The following SH2B3 variants were observed in gnomAD, a reference collection of about 807,000 sequenced individuals.
SH2B3 encodes SH2B adapter protein 3.
A neutral mutation model predicts 51.9 loss-of-function variants in SH2B3; 43 were observed. The ratio of observed to expected loss-of-function variants is 0.83; its 90% CI spans 0.65 to 1.07. The LOEUF is 1.07. SH2B3 is among the 50% of genes least tolerant of loss of function. The probability of loss-of-function intolerance (pLI) is 0.00; values close to 1 mark genes in which losing one functional copy is unlikely to be tolerated. For synonymous variants in SH2B3, 396 were observed against 376.0 expected, an observed-to-expected ratio of 1.05 and a Z score of -0.62; for missense variants, 952 against 834.3, an observed-to-expected ratio of 1.14 and a Z score of -1.74.
intron 2 of SH2B3, among the ~76,000 whole-genome samples, chr12:111,421,334 GCTC>G (rs1413210563): frequency 6.6e-6 from 1 of 150,636 alleles, no homozygotes; most frequent in African/African-American, 2.4e-5. Context: ...TTTATTTCTG[GCTC>G]CTTTTGCCCA....
Position 111,410,124 on chromosome 12 carries a change from A to T in SH2B3, c.-28+3847A>T, listed in dbSNP as rs1204067200. Among the ~76,000 whole-genome samples, 1 of 152,140 alleles carries T rather than the reference A, an allele frequency of 6.6e-6. No homozygotes were observed. The highest frequency in any genetic ancestry group is 2.4e-5 in the African/African-American group (1 of 41,444). ...CCCCAGGGAGGCCTGGGAGGAAGGA[A>T]GTCTATGCCCTCCTCACAGGGGCTG... On this transcript the variant is annotated intron_variant, in intron 1 of 7. Coordinates refer to ENST00000341259, the MANE Select transcript of SH2B3 (RefSeq NM_005475.3). This position sits in a 1 kb window ranked among gnomAD's most constrained non-coding sequence, Gnocchi z 4.9.
Position 111,438,410 on chromosome 12 carries a change from G to A in SH2B3, c.733-8343G>A, listed in dbSNP as rs1387338125. 1.3e-5 allele frequency among the ~76,000 whole-genome samples: 2 copies of A among 152,280 alleles called. No homozygotes were observed. The highest frequency in any genetic ancestry group is 2.1e-4 in the South Asian group (1 of 4,830). On this transcript the variant is annotated intron_variant, in intron 2 of 7. Coordinates refer to ENST00000341259, the MANE Select transcript of SH2B3 (RefSeq NM_005475.3). This position sits in a 1 kb window ranked among gnomAD's most constrained non-coding sequence, Gnocchi z 4.2. ...TTCAGCCTGCCCTCTTCCCTGGCCAGCTGGAGGGGCCTTGGGAGGCCCACC... is the reference window on the plus strand; with the variant it reads ...TTCAGCCTGCCCTCTTCCCTGGCCAACTGGAGGGGCCTTGGGAGGCCCACC...
In SH2B3 at chr12:111,447,459, A is replaced by G. The variant is rs1179360058; in HGVS notation, c.1151A>G (p.Asp384Gly). The G allele has an allele frequency of 6.2e-7, 1 of 1,609,806 alleles. No homozygotes were observed. Among genetic ancestry groups the G allele is most frequent in the Admixed American group, 1.7e-5 (1 of 59,078 alleles). ...CAGCTGGTTCAGCTGCAGGGCCCTG[A>G]TGCTCATGGAGTGTTCCTGGTGCGG... ...AAQLVQLQGPDAHGVFLVRQS... is the reference protein window; with the variant it reads ...AAQLVQLQGPGAHGVFLVRQS... Residue 384 changes from aspartate to glycine, a missense_variant, in exon 6 of 8, where the codon GAT (aspartate) becomes GGT (glycine). Coordinates refer to ENST00000341259, the MANE Select transcript of SH2B3 (RefSeq NM_005475.3).
chr12:111,409,977 G>A lies in SH2B3; in HGVS notation c.-28+3700G>A, dbSNP rs1277699352. Among the ~76,000 whole-genome samples, 2 of 152,212 alleles carry A rather than the reference G, an allele frequency of 1.3e-5. No homozygotes were observed. The highest frequency in any genetic ancestry group is 1.5e-5 in the Non-Finnish European group (1 of 68,026). On this transcript the variant is annotated intron_variant, in intron 1 of 7. Transcript: ENST00000341259. The surrounding 1 kb of genome is among the most constrained non-coding windows in gnomAD (Gnocchi z 4.0). ...CTCCCACGCCACCCTGTCAGGGGTC[G>A]GCCAGCAGGGCCGGGCCACAGGCTT...
In SH2B3 at chr12:111,429,708, G is replaced by A. The variant is rs994871759; in HGVS notation, c.732+10831G>A. On this transcript the variant is annotated intron_variant, in intron 2 of 7. Transcript: ENST00000341259. This position sits in a 1 kb window ranked among gnomAD's most constrained non-coding sequence, Gnocchi z 4.4. Reference sequence around the variant, plus strand: ...CCATGGAATCCTTATCACAAACCCCGGAGGTGGGGACAGTGATGAAGCCAT... The same window carrying A: ...CCATGGAATCCTTATCACAAACCCCAGAGGTGGGGACAGTGATGAAGCCAT... 4.6e-5 allele frequency among the ~76,000 whole-genome samples: 7 copies of A among 152,170 alleles called. No individual in the cohort carries two copies. Among genetic ancestry groups the A allele is most frequent in the African/African-American group, 1.2e-4 (5 of 41,426 alleles).
Position 111,418,229 on chromosome 12 carries a change from G to A in SH2B3, c.84G>A (p.Glu28=), listed in dbSNP as rs1180458317. The A allele has an allele frequency of 1.9e-6, 3 of 1,579,150 alleles. No individual in the cohort carries two copies. Among genetic ancestry groups the A allele is most frequent in the East Asian group, 2.3e-5 (1 of 43,364 alleles). The change falls in exon 2 of 8, where the codon GAG becomes GAA. Residue 28 remains glutamate, a synonymous_variant. Coordinates refer to ENST00000341259, the MANE Select transcript of SH2B3 (RefSeq NM_005475.3). This position sits in a 1 kb window ranked among gnomAD's most constrained non-coding sequence, Gnocchi z 6.7. The stretch of plus-strand genomic sequence containing the variant: ...CGGCGGCCCCGCGGGGCTGGAGCGA[G>A]TTCTGTGAGTTGCACGCCGTAGCGG... ...SPAAAPRGWS[E]FCELHAVAAA... is the part of the protein sequence containing the mutation.
Position 111,447,322 on chromosome 12 carries a change from T to C in SH2B3, c.1022-8T>C, listed in dbSNP as rs374369017. 3 of 1,612,192 alleles carry C rather than the reference T, an allele frequency of 1.9e-6. No homozygotes were observed. Among genetic ancestry groups the C allele is most frequent in the South Asian group, 2.2e-5 (2 of 91,044 alleles). The stretch of plus-strand genomic sequence containing the variant: ...CCTGCGACCACCATCACCCATCTTA[T>C]CTAACAGGTGCTTCTCCTGGGGGGC... On this transcript the variant is annotated splice_region_variant and splice_polypyrimidine_tract_variant and intron_variant, in intron 5 of 7. Transcript: ENST00000341259.
Position 111,406,527 on chromosome 12 carries a change from G to A in SH2B3, c.-28+250G>A, listed in dbSNP as rs1364540967. On this transcript the variant is annotated intron_variant, in intron 1 of 7. Transcript: ENST00000341259. This position sits in a 1 kb window ranked among gnomAD's most constrained non-coding sequence, Gnocchi z 5.7. The stretch of plus-strand genomic sequence containing the variant: ...GTTGGGGTAACTGAGGCCGTGGGAT[G>A]GGGGAGAGGGCATCGCTGACGCCCC... Among the ~76,000 whole-genome samples the A allele has an allele frequency of 2.0e-5, 3 of 152,154 alleles. No homozygotes were observed. The highest frequency in any genetic ancestry group is 2.9e-5 in the Non-Finnish European group (2 of 68,010).
rs771015972 is a variant in SH2B3 at position 111,447,154 on chromosome 12, T to C, written c.956T>C (p.Ile319Thr). Residue 319 changes from isoleucine to threonine, a missense_variant, in exon 5 of 8, where the codon ATT becomes ACT. Ile to Thr is a moderately conservative substitution (Grantham distance 89, BLOSUM62 -1). Coordinates refer to ENST00000341259, the MANE Select transcript of SH2B3 (RefSeq NM_005475.3). ...GAGAGCACAGAAGCAGAGATGCATA[T>C]TCCCTCAGCCCTAGAGCCTAGCACG... The part of the protein sequence containing the change: ...GLESTEAEMH[I>T]PSALEPSTSS... 3.1e-6 allele frequency: 5 copies of C among 1,613,946 alleles called. No homozygotes were observed. The highest frequency in any genetic ancestry group is 1.3e-5 in the African/African-American group (1 of 75,032).
rs997852131 is a variant in SH2B3, at chr12:111,435,043, C to T, written c.733-11710C>T. 5.9e-6 allele frequency: 9 copies of T among 1,530,346 alleles called. No individual in the cohort carries two copies. The highest frequency in any genetic ancestry group is 1.4e-5 in the African/African-American group (1 of 72,942). 94.8% of individuals were successfully genotyped at this position (1,530,346 alleles called of 1,614,324 possible). A position where few individuals can be genotyped will look rare whatever the true frequency, so the allele number is the denominator to read the frequency against. ...TTCTTCGAAGGCAGGCAGTAGCTAC[C>T]GTTGTCTGGGGCTTTGGGGATCTTG... On this transcript the variant is annotated intron_variant, in intron 2 of 7. Transcript: ENST00000341259. This position sits in a 1 kb window ranked among gnomAD's most constrained non-coding sequence, Gnocchi z 4.8.
intron 2 of SH2B3, among the ~76,000 whole-genome samples, chr12:111,437,872 C>T (rs1053995062): frequency 2.8e-4 from 42 of 152,300 alleles, no homozygotes; most frequent in African/African-American, 8.2e-4. Context: ...TCCATCCACC[C>T]GGCAAACCCT....
chr12:111,447,179 G>A lies in SH2B3; in HGVS notation c.981G>A (p.Thr327=), dbSNP rs761350022. ...TTCCCTCAGCCCTAGAGCCTAGCAC[G>A]TCCAGCTCCCCAAGGGGCAGCACAG... ...MHIPSALEPS[T]SSSPRGSTDS... The change falls in exon 5 of 8, where the codon ACG becomes ACA. Residue 327 remains threonine, a synonymous_variant. Transcript: ENST00000341259. The A allele has an allele frequency of 7.4e-6, 12 of 1,613,868 alleles. No homozygotes were observed. Among genetic ancestry groups the A allele is most frequent in the African/African-American group, 1.3e-5 (1 of 74,908 alleles).
Position 111,451,254 on chromosome 12 carries a change from A to G in SH2B3, c.*2952A>G, listed in dbSNP as rs1022664438. 6.5e-6 allele frequency: 1 copy of G among 152,690 alleles called. No individual in the cohort carries two copies. The highest frequency in any genetic ancestry group is 1.5e-5 in the Non-Finnish European group (1 of 68,052). 9.5% of individuals were successfully genotyped at this position (152,690 alleles called of 1,614,324 possible). On this transcript the variant is annotated 3_prime_UTR_variant, in exon 8 of 8. Coordinates refer to ENST00000341259, the MANE Select transcript of SH2B3 (RefSeq NM_005475.3). ...TTGGGCCAGAGAACACTATTTTTAC[A>G]TAACAGTTTCTTAACCTAAAGTCAA...
intron 2 of SH2B3, among the ~76,000 whole-genome samples, chr12:111,420,367 CAAAAAAAAAAA>C (rs59301682): frequency 6.2e-5 from 4 of 64,468 alleles, no homozygotes; most frequent in East Asian, 4.4e-4. Flanking sequence ...GACCCTGTCT[CAAAAAAAAAAA>C]AAAAAAAAAA....
At chr12:111,405,629 C>T (rs531392822), upstream of SH2B3, among the ~76,000 whole-genome samples, 1 of 152,288 alleles carries the variant, frequency 6.6e-6, no homozygotes, top group South Asian at 2.1e-4. This position sits in a 1 kb window ranked among gnomAD's most constrained non-coding sequence, Gnocchi z 5.4. Context: ...ATCCTCACTT[C>T]TATCTTCAGA....
rs531118851 is a variant in SH2B3 at position 111,410,466 on chromosome 12, A to G, written c.-28+4189A>G. 6.6e-6 allele frequency among the ~76,000 whole-genome samples: 1 copy of G among 152,038 alleles called. No individual in the cohort carries two copies. Among genetic ancestry groups the G allele is most frequent in the African/African-American group, 2.4e-5 (1 of 41,400 alleles). ...GAAAGGAAGAAGCCACGGCCTTGGGATGGGGGGCGTGCGGGATTCTGATGG... is the reference window on the plus strand; with the variant it reads ...GAAAGGAAGAAGCCACGGCCTTGGGGTGGGGGGCGTGCGGGATTCTGATGG... On this transcript the variant is annotated intron_variant, in intron 1 of 7. Transcript: ENST00000341259. The surrounding 1 kb of genome is among the most constrained non-coding windows in gnomAD (Gnocchi z 4.9).
chr12:111,451,376 C>T lies in SH2B3; in HGVS notation c.*3074C>T, dbSNP rs1786553038. On this transcript the variant is annotated 3_prime_UTR_variant, in exon 8 of 8. Transcript: ENST00000341259. The stretch of plus-strand genomic sequence containing the variant: ...GCAAATGTGTTAGCTCTAACATCTC[C>T]CACAAGCTAGAGGAACTTGCGAGTA... 1.3e-5 allele frequency: 2 copies of T among 152,630 alleles called. No homozygotes were observed. The highest frequency in any genetic ancestry group is 4.1e-4 in the South Asian group (2 of 4,830). 9.5% of individuals were successfully genotyped at this position (152,630 alleles called of 1,614,324 possible).
intron 2 of SH2B3, among the ~76,000 whole-genome samples, chr12:111,436,463 C>A (rs1872884989): frequency 6.6e-6 from 1 of 152,198 alleles, no homozygotes; most frequent in African/African-American, 2.4e-5. Flanking sequence ...CCATAGCCGA[C>A]TCGAGAGTAG....
intron 2 of SH2B3, among the ~76,000 whole-genome samples, chr12:111,426,717 T>C (rs1480898798): frequency 6.6e-6 from 1 of 152,200 alleles, no homozygotes; most frequent in Non-Finnish European, 1.5e-5. Flanking sequence ...TGGCCCTGAA[T>C]GTGTGCCTCT....
Sources: gnomAD v4.1 joint callset for allele counts (sites outside exome capture counted in the v4.1 genomes callset) on GRCh38, gnomAD v4.1.1 for gene constraint, Gnocchi (gnomAD v3.1) non-coding constraint, MANE v1.5 for transcripts, NCBI Gene and HGNC (gene_info 2026-07-23, HGNC 2026-07-21) for gene names.